The following THOC5 variants were observed in gnomAD, a reference collection of about 807,000 sequenced individuals.
THOC5 encodes Fms-interacting protein.
THOC5 carries 43 observed loss-of-function variants against 92.9 expected under a neutral mutation model. The observed-to-expected ratio is 0.46, with a 90% CI of 0.36 to 0.60. THOC5 has a LOEUF of 0.60. Among genes scored for constraint, THOC5 ranks in the 20% least tolerant of loss-of-function variants. The pLI, the probability that THOC5 is intolerant of heterozygous loss-of-function variation, is 0.00. For missense variants in THOC5, 659 were observed against 849.4 expected (o/e 0.78, Z 2.79); for synonymous variants, 296 against 320.1 (o/e 0.92, Z 0.80).
intron 1 of THOC5, among the ~76,000 whole-genome samples, chr22:29,551,643 C>G (rs1361599746): frequency 6.6e-6 from 1 of 152,034 alleles, no homozygotes; most frequent in African/African-American, 2.4e-5. Flanking sequence ...CCAAGCTACT[C>G]TGGAGGCTAG....
At chr22:29,518,261 G>A (rs2063371080) in intron 15 of THOC5, among the ~76,000 whole-genome samples, 1 of 152,092 alleles carries the variant, frequency 6.6e-6, no homozygotes, top group Non-Finnish European at 1.5e-5. Context: ...TTGAACTCCT[G>A]ACCTCAAGTG....
intron 5 of THOC5, among the ~76,000 whole-genome samples, chr22:29,541,874 AAAAAAAAAAAAAAAAAAAAAT>A (rs2063897018): frequency 1.1e-5 from 1 of 93,376 alleles, no homozygotes; most frequent in African/African-American, 4.0e-5. Flanking sequence ...AAAAAAAAAA[AAAAAAAAAAAAAAAAAAAAAT>A]ATATATATAT....
chr22:29,551,185 G>C (rs1328712904), intron 1 of THOC5, among the ~76,000 whole-genome samples: 1 of 152,122 alleles, frequency 6.6e-6, no homozygotes, highest in Non-Finnish European at 1.5e-5. Context: ...TGTAATCCCA[G>C]CACTTTGGGA....
chr22:29,548,385 A>C lies in THOC5; in HGVS notation c.96+667T>G, dbSNP rs186929112. On this transcript the variant is annotated intron_variant, in intron 2 of 19. Coordinates refer to ENST00000490103, the MANE Select transcript of THOC5 (RefSeq NM_003678.5). The stretch of plus-strand genomic sequence containing the variant: ...AACCTGGGTAACGTGGCAAAACCTC[A>C]TATCTACAAAAAATACAAAATTAGC... Among the ~76,000 whole-genome samples, 15 of 152,198 alleles carry C rather than the reference A, an allele frequency of 9.9e-5. No homozygotes were observed. In the East Asian group the frequency reaches 2.3e-3, roughly 24 times the overall value.
chr22:29,543,274 G>A, intron 4 of THOC5, 155 bp downstream of exon 4: 1 of 599,408 alleles, frequency 1.7e-6, no homozygotes, highest in Admixed American at 3.1e-5. Context: ...CTTGAAGCTG[G>A]GAGGCAGAGG....
intron 6 of THOC5, among the ~76,000 whole-genome samples, chr22:29,538,679 C>A (rs1050725499): frequency 2.0e-5 from 3 of 151,666 alleles, no homozygotes; most frequent in African/African-American, 7.3e-5. Context: ...CACCCATAGT[C>A]CTGGCTACTT....
chr22:29,512,116 C>T lies in THOC5; in HGVS notation c.1702G>A (p.Val568Met), dbSNP rs1272479310. ...RGTAKLQAAV[V>M]LNPGYSSIPP... ...ATGGAGGAGTAGCCAGGGTTCAACA[C>T]CACAGCGGCCTGCAGTTTGGCTGGG... is the stretch of plus-strand genomic sequence containing the variant. The change falls in exon 18 of 20, where the codon GTG becomes ATG. Residue 568 changes from valine to methionine, a missense_variant. By Grantham distance (21) the Val-to-Met change is conservative. Transcript: ENST00000490103. 1.9e-6 allele frequency: 3 copies of T among 1,614,138 alleles called. No individual in the cohort carries two copies. Among genetic ancestry groups the T allele is most frequent in the Non-Finnish European group, 2.5e-6 (3 of 1,179,974 alleles).
chr22:29,539,701 T>C (rs2063839190), intron 5 of THOC5, among the ~76,000 whole-genome samples: 6 of 152,350 alleles, frequency 3.9e-5, no homozygotes. Context: ...TTTTTACCCA[T>C]GAATTAAAGA....
At chr22:29,510,383 G>A (rs769294880) in intron 19 of THOC5, among the ~76,000 whole-genome samples, 1 of 152,222 alleles carries the variant, frequency 6.6e-6, no homozygotes, top group Non-Finnish European at 1.5e-5. Context: ...GATCACTTGA[G>A]CCTAGGAGTT....
rs1286562718 is a variant in THOC5 at position 29,507,777 on chromosome 22, AACT to A, written c.*677_*679del. 3.3e-5 allele frequency: 5 copies of A among 152,442 alleles called. No individual in the cohort carries two copies. The highest frequency in any genetic ancestry group is 1.2e-4 in the African/African-American group (5 of 41,472). The allele number at this position is 152,442 out of a possible 1,614,324, so 9.4% of individuals were successfully genotyped here. A position where few individuals can be genotyped will look rare whatever the true frequency, so the allele number is the denominator to read the frequency against. ...TGTACTGACTATGTTAGCAGTAAGT[AACT>A]ACTAATAGCATACTACTGGTCAACA... On this transcript the variant is annotated 3_prime_UTR_variant, in exon 20 of 20. Coordinates refer to ENST00000490103, the MANE Select transcript of THOC5 (RefSeq NM_003678.5).
chr22:29,552,435 C>T (rs1009850241), intron 1 of THOC5, among the ~76,000 whole-genome samples: 3 of 151,334 alleles, frequency 2.0e-5, no homozygotes, highest in East Asian at 2.0e-4. Context: ...TGCCCGGCTG[C>T]GACCCCGTCT....
rs2063144818 is a variant in THOC5 at position 29,506,758 on chromosome 22, C to G, written c.*1699G>C. 2 of 152,302 alleles carry G rather than the reference C, an allele frequency of 1.3e-5. No homozygotes were observed. The highest frequency in any genetic ancestry group is 1.3e-4 in the Admixed American group (2 of 15,288). 9.4% of individuals were successfully genotyped at this position (152,302 alleles called of 1,614,324 possible). A position where few individuals can be genotyped will look rare whatever the true frequency, so the allele number is the denominator to read the frequency against. On this transcript the variant is annotated 3_prime_UTR_variant, in exon 20 of 20. Coordinates refer to ENST00000490103, the MANE Select transcript of THOC5 (RefSeq NM_003678.5). ...ATGTGATTGATTCTCCAACACCACTCTCGCCATCTCCATGAAATCCTGTAA... is the reference window on the plus strand; with the variant it reads ...ATGTGATTGATTCTCCAACACCACTGTCGCCATCTCCATGAAATCCTGTAA...
At chr22:29,552,557 C>A (rs919808970) in intron 1 of THOC5, among the ~76,000 whole-genome samples, 3 of 151,188 alleles carry the variant, frequency 2.0e-5, no homozygotes, top group Non-Finnish European at 4.4e-5. Flanking sequence ...CGGCCAGCCG[C>A]CCCGTCCGGG....
chr22:29,528,520 A>T, intron 9 of THOC5, 54 bp from the exon 10 acceptor site: 1 of 1,592,320 alleles, frequency 6.3e-7, no homozygotes, highest in Non-Finnish European at 8.6e-7. Flanking sequence ...AATGCTCCCT[A>T]AAGCACTCCA....
Position 29,512,104 on chromosome 22 carries a change from C to T in THOC5, c.1714G>A (p.Gly572Ser). ...KLQAAVVLNPGYSSIPPVFQL... is the reference protein window; with the variant it reads ...KLQAAVVLNPSYSSIPPVFQL... The stretch of plus-strand genomic sequence containing the variant: ...AAAACAGGTGGGATGGAGGAGTAGC[C>T]AGGGTTCAACACCACAGCGGCCTGC... Residue 572 changes from glycine to serine, a missense_variant, in exon 18 of 20, where the codon GGC becomes AGC. Coordinates refer to ENST00000490103, the MANE Select transcript of THOC5 (RefSeq NM_003678.5). 1 of 1,614,100 alleles carries T rather than the reference C, an allele frequency of 6.2e-7. No homozygotes were observed. Among genetic ancestry groups the T allele is most frequent in the Non-Finnish European group, 8.5e-7 (1 of 1,179,978 alleles).
intron 1 of THOC5, among the ~76,000 whole-genome samples, chr22:29,551,654 G>A (rs990648439): frequency 6.6e-5 from 10 of 152,092 alleles, no homozygotes; most frequent in African/African-American, 2.4e-4. Context: ...TGGAGGCTAG[G>A]GTGGGAGGAT....
intron 8 of THOC5, chr22:29,531,580 A>T: frequency 8.2e-7 from 1 of 1,219,544 alleles, no homozygotes; most frequent in Non-Finnish European, 1.0e-6. Context: ...TTCTGCACCC[A>T]AGAGCTGTCC....
intron 2 of THOC5, among the ~76,000 whole-genome samples, chr22:29,548,509 C>T (rs924357942): frequency 6.6e-5 from 10 of 152,078 alleles, no homozygotes; most frequent in African/African-American, 2.4e-4. Context: ...GAGCAGAAAT[C>T]GTGCCACTGT....
chr22:29,525,976 G>T, intron 11 of THOC5, 30 bp from the exon 12 acceptor site: 1 of 1,501,826 alleles, frequency 6.7e-7, no homozygotes, highest in Non-Finnish European at 9.2e-7. Context: ...GAGAATTTAT[G>T]AGTCAAAACA....
Sources: gnomAD v4.1 joint callset for allele counts (sites outside exome capture counted in the v4.1 genomes callset) on GRCh38, gnomAD v4.1.1 for gene constraint, MANE v1.5 for transcripts, NCBI Gene and HGNC (gene_info 2026-07-23, HGNC 2026-07-21) for gene names.